MED26: variants seen among roughly 807,000 people sequenced by gnomAD.
MED26 encodes the protein mediator complex subunit 26, also known as mediator of RNA polymerase II transcription subunit 26.
In MED26, 7 loss-of-function variants were observed where a neutral mutation model predicts 43.7. The ratio of observed to expected loss-of-function variants is 0.16; its 90% confidence interval spans 0.09 to 0.30. The LOEUF (loss-of-function observed/expected upper bound fraction) is 0.30, where lower values mean the gene tolerates loss of function less well. MED26 is among the 10% of genes least tolerant of loss of function. MED26 has a pLI of 1.00. For synonymous variants in MED26, 375 were observed against 371.1 expected, an observed-to-expected ratio of 1.01 and a Z score of -0.12; for missense variants, 784 against 840.6, an observed-to-expected ratio of 0.93 and a Z score of 0.83.
At chr19:16,620,957 C>A (rs532208024) in intron 1 of MED26, among the ~76,000 whole-genome samples, 1 of 152,236 alleles carries the variant, frequency 6.6e-6, no homozygotes, top group Admixed American at 6.5e-5. Flanking sequence ...TAAAAATGAA[C>A]CCTCATACTC....
chr19:16,591,708 G>C (rs527756014), intron 1 of MED26, among the ~76,000 whole-genome samples: 1 of 152,314 alleles, frequency 6.6e-6, no homozygotes, highest in South Asian at 2.1e-4. Flanking sequence ...TTGGGCAAAC[G>C]ACAGTCTGCT....
rs1474736798 is a variant in MED26, at chr19:16,575,736, C to T, written c.*291G>A. On this transcript the variant is annotated 3_prime_UTR_variant, in exon 3 of 3. Coordinates refer to ENST00000263390, the MANE Select transcript of MED26 (RefSeq NM_004831.5). ...CACCTCTTTGGGGGTGAGGGACTAA[C>T]GCTTTTTATAGCTGGTTTGCTATAG... The T allele has an allele frequency of 4.0e-5, 16 of 399,880 alleles. No homozygotes were observed. The highest frequency in any genetic ancestry group is 1.7e-4 in the South Asian group (5 of 28,812). The allele number at this position is 399,880 out of a possible 1,614,324, so 24.8% of individuals were successfully genotyped here.
chr19:16,604,323 T>C (rs146131364), intron 1 of MED26, among the ~76,000 whole-genome samples: 2 of 152,294 alleles, frequency 1.3e-5, no homozygotes, highest in East Asian at 1.9e-4. Context: ...ACTAGTGACA[T>C]GGGTCCTCTC....
At chr19:16,590,244 G>A (rs2086089674) in intron 1 of MED26, among the ~76,000 whole-genome samples, 2 of 152,210 alleles carry the variant, frequency 1.3e-5, no homozygotes. Context: ...TGAGACCACA[G>A]ATACGCCCCC....
intron 1 of MED26, among the ~76,000 whole-genome samples, chr19:16,592,228 C>A (rs961853445): frequency 6.6e-6 from 1 of 152,226 alleles, no homozygotes; most frequent in Admixed American, 6.5e-5. Context: ...TCCAATCCCT[C>A]TGACAACTGT....
intron 1 of MED26, among the ~76,000 whole-genome samples, chr19:16,595,173 C>T (rs2086114680): frequency 6.6e-6 from 1 of 152,192 alleles, no homozygotes; most frequent in African/African-American, 2.4e-5. Flanking sequence ...GTAGGTGCCT[C>T]TGCGTTGGAC....
intron 1 of MED26, 80 bp downstream of exon 1, chr19:16,627,792 C>T (rs370910827): frequency 1.9e-6 from 2 of 1,056,568 alleles, no homozygotes; most frequent in African/African-American, 1.6e-5. Context: ...CCCCGAAGCC[C>T]GGTGGGCGAG....
At chr19:16,608,559 A>G (rs2086184503) in intron 1 of MED26, among the ~76,000 whole-genome samples, 1 of 152,248 alleles carries the variant, frequency 6.6e-6, no homozygotes, top group Admixed American at 6.5e-5. Context: ...TCCAAACTAG[A>G]AATCTGCAAA....
chr19:16,578,238 A>T, intron 2 of MED26, 97 bp downstream of exon 2: 1 of 1,159,370 alleles, frequency 8.6e-7, no homozygotes. Flanking sequence ...TCCGAAGCAA[A>T]GACACTGATG....
At chr19:16,624,519 C>T (rs1365951320) in intron 1 of MED26, 2 of 152,238 alleles carry the variant, frequency 1.3e-5, no homozygotes, top group East Asian at 1.9e-4. Context: ...AGGGCATTCA[C>T]CTGCAGCTAG....
intron 1 of MED26, among the ~76,000 whole-genome samples, chr19:16,625,673 C>T (rs2086271388): frequency 6.6e-6 from 1 of 152,150 alleles, no homozygotes; most frequent in African/African-American, 2.4e-5. Context: ...CCTGCTCTCA[C>T]CTGAGCCCAC....
intron 1 of MED26, among the ~76,000 whole-genome samples, chr19:16,618,688 A>G (rs1359862632): frequency 6.6e-6 from 1 of 152,188 alleles, no homozygotes; most frequent in Non-Finnish European, 1.5e-5. Context: ...TGGACACTGG[A>G]TCCACTATTC....
chr19:16,599,804 CTG>C (rs895300381), intron 1 of MED26, among the ~76,000 whole-genome samples: 1 of 152,164 alleles, frequency 6.6e-6, no homozygotes, highest in Non-Finnish European at 1.5e-5. Context: ...AGCCACTTCT[CTG>C]TGCACCACAG....
At chr19:16,578,295 C>G (rs777140283) in intron 2 of MED26, 40 bp downstream of exon 2, 2 of 1,587,258 alleles carry the variant, frequency 1.3e-6, no homozygotes, top group East Asian at 2.2e-5. Context: ...CCCCTGCCCC[C>G]CGTTCTGCCC....
At chr19:16,621,825 C>T (rs1333399324) in intron 1 of MED26, among the ~76,000 whole-genome samples, 5 of 152,144 alleles carry the variant, frequency 3.3e-5, no homozygotes, top group Admixed American at 6.5e-5. Context: ...CCACCCTAGG[C>T]TTGCCTCCAA....
At chr19:16,597,959 AGAT>A in intron 1 of MED26, among the ~76,000 whole-genome samples, 1 of 152,112 alleles carries the variant, frequency 6.6e-6, no homozygotes, top group East Asian at 2.0e-4. Context: ...TCCTGACCTC[AGAT>A]GATTCGCTCA....
intron 1 of MED26, among the ~76,000 whole-genome samples, chr19:16,603,615 C>A (rs1483054297): frequency 6.6e-6 from 1 of 152,168 alleles, no homozygotes; most frequent in Admixed American, 6.5e-5. Context: ...CGCAGTCTCC[C>A]CATCGGTCAA....
chr19:16,581,682 G>A (rs1433847166), intron 1 of MED26, among the ~76,000 whole-genome samples: 1 of 152,216 alleles, frequency 6.6e-6, no homozygotes, highest in Non-Finnish European at 1.5e-5. Context: ...AGAAATCACC[G>A]CTGAACTAAC....
intron 1 of MED26, chr19:16,611,748 G>A (rs980506574): frequency 6.6e-6 from 1 of 151,980 alleles, no homozygotes; most frequent in Admixed American, 6.6e-5. Flanking sequence ...CACGCTTTCG[G>A]CTATAGGCTA....
Sources: gnomAD v4.1 joint callset for allele counts (sites outside exome capture counted in the v4.1 genomes callset) on GRCh38, gnomAD v4.1.1 for gene constraint, MANE v1.5 for transcripts, NCBI Gene and HGNC (gene_info 2026-07-23, HGNC 2026-07-21) for gene names.